Variants in TUBGCP3 observed in about 807,000 individuals in gnomAD.
The protein encoded by TUBGCP3 is gamma-tubulin complex component 3.
A neutral mutation model predicts 123.1 loss-of-function variants in TUBGCP3; 50 were observed. The ratio of observed to expected loss-of-function variants is 0.41; its 90% CI spans 0.32 to 0.51. The LOEUF (loss-of-function observed/expected upper bound fraction) is 0.51, where lower values mean the gene tolerates loss of function less well. TUBGCP3 is among the 20% of genes least tolerant of loss of function. The probability of loss-of-function intolerance (pLI) is 0.36; values close to 1 mark genes in which losing one functional copy is unlikely to be tolerated. For synonymous variants in TUBGCP3, 405 were observed against 413.9 expected, an observed-to-expected ratio of 0.98 and a Z score of 0.26; for missense variants, 882 against 1,127.0, an observed-to-expected ratio of 0.78 and a Z score of 3.11.
At position 112,578,558 on chromosome 13, in the gene TUBGCP3, C is replaced by CAAAAAAAA. The variant is rs71131496; in HGVS notation, c.77-9307_77-9300dup. On this transcript the variant is annotated intron_variant, in intron 1 of 21. Transcript: ENST00000261965. Reference sequence around the variant, plus strand: ...TGGGCGAAAGAGTGAGACTCCGTCTCAAAAAAAAAAAAAAAAAAAAAAAAA... The same window carrying CAAAAAAAA: ...TGGGCGAAAGAGTGAGACTCCGTCTCAAAAAAAAAAAAAAAAAAAAAAAAAAAAAAAAA... Among the ~76,000 whole-genome samples the CAAAAAAAA allele has an allele frequency of 3.8e-3, 95 of 24,908 alleles. 3 individuals carry two copies. The highest frequency in any genetic ancestry group is 4.7e-3 in the Admixed American group (7 of 1,484). The allele number at this position is 24,908 out of a possible 152,430, so 16.3% of individuals were successfully genotyped here. A position where few individuals can be genotyped will look rare whatever the true frequency, so the allele number is the denominator to read the frequency against.
chr13:112,555,370 T>C (rs1879939563), intron 6 of TUBGCP3, among the ~76,000 whole-genome samples: 1 of 152,170 alleles, frequency 6.6e-6, no homozygotes, highest in Non-Finnish European at 1.5e-5. Context: ...CTCCTCACCT[T>C]TGCATTCTAC....
At chr13:112,534,708 C>T (rs1877897651) in intron 11 of TUBGCP3, among the ~76,000 whole-genome samples, 1 of 152,184 alleles carries the variant, frequency 6.6e-6, no homozygotes, top group African/African-American at 2.4e-5. Context: ...GGGAAAGGAG[C>T]CACAGGAGCT....
At chr13:112,556,283 T>A in intron 5 of TUBGCP3, 59 bp from the exon 6 acceptor site, 1 of 1,525,246 alleles carries the variant, frequency 6.6e-7, no homozygotes. Context: ...GACAAAAGTG[T>A]CCCTAGAAAT....
At chr13:112,554,249 C>A (rs1879837927) in intron 7 of TUBGCP3, 67 bp from the exon 8 acceptor site, 1 of 1,560,434 alleles carries the variant, frequency 6.4e-7, no homozygotes, top group Non-Finnish European at 8.7e-7. Flanking sequence ...TAGTATTTTT[C>A]TCAAGCACTT....
At position 112,588,042 on chromosome 13, in the gene TUBGCP3, G is replaced by C; in HGVS notation, c.-62C>G. ...CCGCCACTGCCGCCGCACGCGCAGG[G>C]ACCGCGGCCCGCGCCCTTCCTGCGC... is the stretch of plus-strand genomic sequence containing the variant. On this transcript the variant is annotated 5_prime_UTR_variant, in exon 1 of 22. Transcript: ENST00000261965. The C allele has an allele frequency of 7.5e-7, 1 of 1,326,988 alleles. No individual in the cohort carries two copies. The highest frequency in any genetic ancestry group is 9.9e-7 in the Non-Finnish European group (1 of 1,015,012). The allele number at this position is 1,326,988 out of a possible 1,614,324, so 82.2% of individuals were successfully genotyped here.
Position 112,545,908 on chromosome 13 carries a change from C to T in TUBGCP3, c.1169-43G>A. The T allele has an allele frequency of 6.2e-7, 1 of 1,600,732 alleles. No individual in the cohort carries two copies. The highest frequency in any genetic ancestry group is 8.5e-7 in the Non-Finnish European group (1 of 1,169,632). ...AAATACACAAAAACATCCACATTTA[C>T]ACTCATAGTACACACCAGTCACTTC... On this transcript the variant is annotated intron_variant, in intron 10 of 21. Transcript: ENST00000261965. This position sits in a 1 kb window ranked among gnomAD's most constrained non-coding sequence, Gnocchi z 4.1.
In TUBGCP3 at chr13:112,552,739, C is replaced by T. The variant is rs111695863; in HGVS notation, c.966+1318G>A. 9.2e-3 allele frequency among the ~76,000 whole-genome samples: 1,403 copies of T among 152,140 alleles called. 21 individuals carry two copies. The highest frequency in any genetic ancestry group is 0.032 in the African/African-American group (1,320 of 41,482). On this transcript the variant is annotated intron_variant, in intron 8 of 21. Transcript: ENST00000261965. The stretch of plus-strand genomic sequence containing the variant: ...TGATGCCTACTCAGCAGCCACGCTG[C>T]CACAGCACACTCCTCCCCACCAGCC...
the TUBGCP3 span, among the ~76,000 whole-genome samples, chr13:112,594,647 T>C: frequency 1.3e-5 from 2 of 152,220 alleles, no homozygotes; most frequent in Non-Finnish European, 2.9e-5. Flanking sequence ...ATTCTTGAGG[T>C]GAACACTTAG....
At chr13:112,550,017 T>C (rs1404658394) in intron 8 of TUBGCP3, among the ~76,000 whole-genome samples, 2 of 89,632 alleles carry the variant, frequency 2.2e-5, no homozygotes, top group African/African-American at 8.9e-5. Context: ...AAAAAAAAAA[T>C]ACTGAAAGGA....
chr13:112,564,901 T>C (rs1880835440), intron 3 of TUBGCP3, among the ~76,000 whole-genome samples: 2 of 152,226 alleles, frequency 1.3e-5, no homozygotes, highest in African/African-American at 4.8e-5. Flanking sequence ...TGCAGCTTCA[T>C]TCATCTTTAT....
At chr13:112,544,063 C>T (rs1316918294) in intron 11 of TUBGCP3, among the ~76,000 whole-genome samples, 1 of 152,138 alleles carries the variant, frequency 6.6e-6, no homozygotes, top group Non-Finnish European at 1.5e-5. Flanking sequence ...AAAGTGTTGA[C>T]AAGGACGCGG....
chr13:112,510,327 G>GT (rs530255620), intron 17 of TUBGCP3, among the ~76,000 whole-genome samples: 147 of 151,906 alleles, frequency 9.7e-4, no homozygotes, highest in Non-Finnish European at 1.8e-3. Context: ...CATGATATTT[G>GT]TTTTTTTTAG....
chr13:112,569,222 C>T lies in TUBGCP3; in HGVS notation c.114G>A (p.Val38=). 1.2e-6 allele frequency: 2 copies of T among 1,614,158 alleles called. No homozygotes were observed. Among genetic ancestry groups the T allele is most frequent in the Non-Finnish European group, 8.5e-7 (1 of 1,180,026 alleles). The stretch of plus-strand genomic sequence containing the variant: ...CAGTTGGGGCGAAGTTGCTGCCAAT[C>T]ACCCGCACAGCATACTGGAACTGCT... ...VAQQFQYAVR[V]IGSNFAPTVE... The change falls in exon 2 of 22, where the codon GTG becomes GTA. Residue 38 remains valine (V), a synonymous_variant. Coordinates refer to ENST00000261965, the MANE Select transcript of TUBGCP3 (RefSeq NM_006322.6).
At chr13:112,600,292 T>C in the TUBGCP3 span, among the ~76,000 whole-genome samples, 1 of 152,214 alleles carries the variant, frequency 6.6e-6, no homozygotes. Context: ...TCAACCTGCC[T>C]AAACTGGAAG....
intron 17 of TUBGCP3, among the ~76,000 whole-genome samples, chr13:112,506,472 C>T (rs994001911): frequency 2.6e-5 from 4 of 152,238 alleles, no homozygotes; most frequent in African/African-American, 9.6e-5. Flanking sequence ...ATAGCGTCCA[C>T]AGTCATGAGA....
chr13:112,525,715 T>A (rs1189011388), intron 13 of TUBGCP3, among the ~76,000 whole-genome samples: 1 of 152,190 alleles, frequency 6.6e-6, no homozygotes, highest in Non-Finnish European at 1.5e-5. Flanking sequence ...TCATGCGACA[T>A]TCTGAATGCA....
At chr13:112,528,168 T>C (rs1164937287) in intron 11 of TUBGCP3, among the ~76,000 whole-genome samples, 1 of 152,260 alleles carries the variant, frequency 6.6e-6, no homozygotes, top group East Asian at 1.9e-4. Flanking sequence ...AGGAGAAAAT[T>C]CAATTGCTGT....
At chr13:112,543,677 A>C (rs934608243) in intron 11 of TUBGCP3, among the ~76,000 whole-genome samples, 1 of 152,242 alleles carries the variant, frequency 6.6e-6, no homozygotes, top group African/African-American at 2.4e-5. Context: ...AAACGTAGTA[A>C]AACTTGTGTG....
chr13:112,491,110 C>T (rs1157344648), intron 20 of TUBGCP3, among the ~76,000 whole-genome samples: 1 of 152,228 alleles, frequency 6.6e-6, no homozygotes, highest in Non-Finnish European at 1.5e-5. Context: ...AGGCCCAGCT[C>T]TTGGACTTTA....
Sources: gnomAD v4.1 joint callset for allele counts (sites outside exome capture counted in the v4.1 genomes callset) on GRCh38, gnomAD v4.1.1 for gene constraint, Gnocchi (gnomAD v3.1) non-coding constraint, MANE v1.5 for transcripts, NCBI Gene and HGNC (gene_info 2026-07-23, HGNC 2026-07-21) for gene names.